SHPK: variants seen among roughly 807,000 people sequenced by gnomAD.
SHPK encodes carbohydrate kinase-like protein.
A neutral mutation model predicts 46.3 loss-of-function variants in SHPK; 51 were observed. The observed-to-expected ratio is 1.10, with a 90% CI of 0.88 to 1.39. The LOEUF (loss-of-function observed/expected upper bound fraction) is 1.39. Among genes scored for constraint, SHPK ranks in the 40% most tolerant of loss-of-function variants. SHPK has a pLI of 0.00. For missense variants in SHPK, 668 were observed against 641.3 expected (o/e 1.04, Z -0.45); for synonymous variants, 290 against 273.9 (o/e 1.06, Z -0.58).
chr17:3,628,874 C>A (rs886637510), intron 2 of SHPK, among the ~76,000 whole-genome samples: 1 of 152,102 alleles, frequency 6.6e-6, no homozygotes, highest in African/African-American at 2.4e-5. Context: ...GTCTTGAACT[C>A]CTGGCCTCAA....
At chr17:3,624,394 C>T (rs1004818576) in intron 2 of SHPK, among the ~76,000 whole-genome samples, 163 bp from the exon 3 acceptor site, 5 of 152,144 alleles carry the variant, frequency 3.3e-5, no homozygotes, top group Non-Finnish European at 5.9e-5. Context: ...TAGTACTTGG[C>T]TCTACCACAT....
chr17:3,612,740 G>C (rs947731797), intron 6 of SHPK, among the ~76,000 whole-genome samples: 6 of 140,066 alleles, frequency 4.3e-5, no homozygotes, highest in Admixed American at 1.6e-4. Context: ...ATACAGATGA[G>C]TCACTCAGGG....
intron 6 of SHPK, among the ~76,000 whole-genome samples, chr17:3,612,793 A>G (rs1308173597): frequency 6.8e-6 from 1 of 147,888 alleles, no homozygotes; most frequent in Non-Finnish European, 1.5e-5. Flanking sequence ...GCTCTGTCAC[A>G]CAGGCTGGAG....
At chr17:3,624,291 C>T (rs1266568414) in intron 2 of SHPK, 60 bp from the exon 3 acceptor site, 64 of 1,485,522 alleles carry the variant, frequency 4.3e-5, no homozygotes, top group Non-Finnish European at 5.7e-5. Context: ...CATGGCGCGG[C>T]CTTGATACTA....
In SHPK at chr17:3,608,687, G is replaced by A. The variant is rs965065361; in HGVS notation, c.*1873C>T. 2 of 152,150 alleles carry A rather than the reference G, an allele frequency of 1.3e-5. No homozygotes were observed. Among genetic ancestry groups the A allele is most frequent in the Non-Finnish European group, 2.9e-5 (2 of 68,024 alleles). 9.4% of individuals were successfully genotyped at this position (152,150 alleles called of 1,614,324 possible). A position where few individuals can be genotyped will look rare whatever the true frequency, so the allele number is the denominator to read the frequency against. ...CATGGAAAGTGACACCGTGGATAAGGGGGGACTACTGTGGACAGCTTTCCT... is the reference window on the plus strand; with the variant it reads ...CATGGAAAGTGACACCGTGGATAAGAGGGGACTACTGTGGACAGCTTTCCT... On this transcript the variant is annotated 3_prime_UTR_variant, in exon 7 of 7. Transcript: ENST00000225519.
chr17:3,613,858 C>T (rs534562537), intron 6 of SHPK, among the ~76,000 whole-genome samples: 24 of 151,974 alleles, frequency 1.6e-4, no homozygotes, highest in Non-Finnish European at 2.1e-4. Context: ...CCATGCACAG[C>T]GCCAAAAAAG....
chr17:3,633,980 G>A (rs1345675851), intron 1 of SHPK, among the ~76,000 whole-genome samples: 1 of 149,334 alleles, frequency 6.7e-6, no homozygotes, highest in East Asian at 1.9e-4. Context: ...CCAACCCTGT[G>A]CTCTCTCAAA....
chr17:3,614,966 C>T (rs1378726493), intron 6 of SHPK, among the ~76,000 whole-genome samples: 1 of 151,880 alleles, frequency 6.6e-6, no homozygotes, highest in Non-Finnish European at 1.5e-5. Context: ...AGTCAAGGAG[C>T]AACTGTCCAT....
At chr17:3,623,955 C>T (rs2075417674) in intron 3 of SHPK, 93 bp downstream of exon 3, 20 of 1,269,912 alleles carry the variant, frequency 1.6e-5, no homozygotes, top group Non-Finnish European at 2.1e-5. Context: ...CACTGCGGCA[C>T]AGCCCAGCAG....
chr17:3,635,061 A>G (rs1379078804), intron 1 of SHPK, among the ~76,000 whole-genome samples: 1 of 151,616 alleles, frequency 6.6e-6, no homozygotes, highest in African/African-American at 2.4e-5. Flanking sequence ...AGTCCCAGCT[A>G]CTCGGGAGGC....
At chr17:3,635,193 T>TGAAGGAAGGAAGAAAGGAAGAAAGGAAG (rs746755300) in intron 1 of SHPK, among the ~76,000 whole-genome samples, 5 of 60,532 alleles carry the variant, frequency 8.3e-5, no homozygotes, top group Non-Finnish European at 1.5e-4. Context: ...AAGGAAAGAA[T>TGAAGGAAGGAAGAAAGGAAGAAAGGAAG]GAAGGAAGGA....
At chr17:3,615,558 A>G in intron 5 of SHPK, 21 bp from the exon 6 acceptor site, 1 of 1,608,934 alleles carries the variant, frequency 6.2e-7, no homozygotes, top group Non-Finnish European at 8.5e-7. Flanking sequence ...AAGAGAGCAG[A>G]GCTTAGGCCT....
At chr17:3,612,263 TA>T (rs1259828534) in intron 6 of SHPK, among the ~76,000 whole-genome samples, 1 of 151,872 alleles carries the variant, frequency 6.6e-6, no homozygotes, top group Non-Finnish European at 1.5e-5. Flanking sequence ...CTGTCTCTAC[TA>T]AAAATACAAA....
intron 1 of SHPK, 47 bp from the exon 2 acceptor site, chr17:3,630,393 G>T: frequency 6.4e-7 from 1 of 1,557,572 alleles, no homozygotes. Context: ...ACACAGGCAG[G>T]GGGAGGGGCG....
chr17:3,619,355 T>G (rs964341022), intron 5 of SHPK: 1 of 1,428,838 alleles, frequency 7.0e-7, no homozygotes, highest in Admixed American at 1.7e-5. Context: ...GGACCTTGTT[T>G]TATACATTGA....
At chr17:3,629,531 C>A (rs569698923) in intron 2 of SHPK, among the ~76,000 whole-genome samples, 3 of 152,152 alleles carry the variant, frequency 2.0e-5, no homozygotes, top group South Asian at 2.1e-4. Context: ...AGTTCGAGAC[C>A]AGCCTGGCCA....
At position 3,610,795 on chromosome 17, in the gene SHPK, G is replaced by A. The variant is rs747471444; in HGVS notation, c.1202C>T (p.Ala401Val). ...SDLSLGHVTR[A>V]LCRGIVQNLH... ...GTTCTGAACAATGCCTCGGCACAGA[G>A]CCCGGGTCACGTGCCCCAGGGAGAG... Residue 401 changes from alanine to valine, a missense_variant, in exon 7 of 7, where the codon GCT becomes GTT. Physicochemically the swap from Ala to Val is moderately conservative, Grantham distance 64 (BLOSUM62 0). Coordinates refer to ENST00000225519, the MANE Select transcript of SHPK (RefSeq NM_013276.4). The A allele has an allele frequency of 1.2e-6, 2 of 1,614,058 alleles. No individual in the cohort carries two copies. Among genetic ancestry groups the A allele is most frequent in the East Asian group, 4.5e-5 (2 of 44,894 alleles).
chr17:3,628,636 A>C (rs1278165764), intron 2 of SHPK, among the ~76,000 whole-genome samples: 1 of 150,992 alleles, frequency 6.6e-6, no homozygotes, highest in Admixed American at 6.6e-5. Context: ...AATTTCTTTT[A>C]AAGTTTGATT....
chr17:3,618,477 C>A (rs1411882079), intron 5 of SHPK, among the ~76,000 whole-genome samples: 2 of 152,032 alleles, frequency 1.3e-5, no homozygotes, highest in Non-Finnish European at 2.9e-5. Context: ...TGTGTATATA[C>A]CACATTATAA....
Sources: gnomAD v4.1 joint callset for allele counts (sites outside exome capture counted in the v4.1 genomes callset) on GRCh38, gnomAD v4.1.1 for gene constraint, MANE v1.5 for transcripts, NCBI Gene and HGNC (gene_info 2026-07-23, HGNC 2026-07-21) for gene names.